Variants in TMEM132E observed in about 807,000 individuals in gnomAD.
The protein encoded by TMEM132E is transmembrane protein 132E.
Under a neutral mutation model 78.5 loss-of-function variants are expected in TMEM132E, and 49 were observed. The ratio of observed to expected loss-of-function variants is 0.62; its 90% CI spans 0.50 to 0.79. TMEM132E has a LOEUF of 0.79. Ranked by LOEUF, TMEM132E falls within the 30% of genes least tolerant of loss-of-function variation. The probability of loss-of-function intolerance (pLI) is 0.00; values close to 1 mark genes in which losing one functional copy is unlikely to be tolerated. For synonymous variants in TMEM132E, 715 were observed against 670.6 expected (o/e 1.07, Z -1.02); for missense variants, 1,403 against 1,470.9 (o/e 0.95, Z 0.75).
At chr17:34,619,291 G>C (rs187981567) in intron 1 of TMEM132E, among the ~76,000 whole-genome samples, 1 of 151,546 alleles carries the variant, frequency 6.6e-6, no homozygotes, top group Non-Finnish European at 1.5e-5. Context: ...TTAACTATCA[G>C]CAACGCCAAC....
At chr17:34,605,760 GC>G (rs1306349149) in intron 1 of TMEM132E, among the ~76,000 whole-genome samples, 1 of 152,160 alleles carries the variant, frequency 6.6e-6, no homozygotes, top group East Asian at 1.9e-4. Flanking sequence ...GTTGCTTTAG[GC>G]TGGGTTCAGC....
In TMEM132E at chr17:34,581,098, C is replaced by CGCG. The variant is rs2142044498; in HGVS notation, c.29_31dup (p.Gly10dup). 1 of 1,545,224 alleles carries CGCG rather than the reference C, an allele frequency of 6.5e-7. No individual in the cohort carries two copies. Among genetic ancestry groups the CGCG allele is most frequent in the East Asian group, 2.5e-5 (1 of 40,142 alleles). Reference sequence around the variant, plus strand: ...GGCCATGGCCCCGGGGATGTCGGGCCGCGGCGGCGCCGCCCTGCTCTGCCT... The same window carrying CGCG: ...GGCCATGGCCCCGGGGATGTCGGGCCGCGGCGGCGGCGCCGCCCTGCTCTGCCT... On this transcript the variant is annotated inframe_insertion, in exon 1 of 9. Transcript: ENST00000631683.
At chr17:34,633,568 C>T (rs1182095742) in intron 6 of TMEM132E, among the ~76,000 whole-genome samples, 1 of 152,200 alleles carries the variant, frequency 6.6e-6, no homozygotes, top group African/African-American at 2.4e-5. Context: ...GAGAGAAAAG[C>T]ACAGCAGGGA....
intron 4 of TMEM132E, 90 bp from the exon 5 acceptor site, chr17:34,629,918 G>GT (rs539332455): frequency 2.3e-5 from 33 of 1,414,758 alleles, no homozygotes; most frequent in Middle Eastern, 2.5e-4. Context: ...GAGGAGTGGG[G>GT]GGGGAGCGTC....
chr17:34,591,715 T>C (rs1435088467), intron 1 of TMEM132E, among the ~76,000 whole-genome samples: 1 of 152,218 alleles, frequency 6.6e-6, no homozygotes, highest in African/African-American at 2.4e-5. Context: ...CTGTCAGCAT[T>C]TGGGCCCCAG....
At chr17:34,583,965 GC>G (rs1905580339) in intron 1 of TMEM132E, among the ~76,000 whole-genome samples, 1 of 152,206 alleles carries the variant, frequency 6.6e-6, no homozygotes, top group Non-Finnish European at 1.5e-5. Context: ...ATCTGTGAAG[GC>G]CACTTTCTTG....
chr17:34,592,001 G>A (rs115756229), intron 1 of TMEM132E, among the ~76,000 whole-genome samples: 1,806 of 152,334 alleles, frequency 0.012, 42 homozygotes, highest in African/African-American at 0.041. Context: ...GTAAACTGGT[G>A]TCTTTCCATC....
intron 1 of TMEM132E, among the ~76,000 whole-genome samples, chr17:34,589,494 C>A (rs1239096706): frequency 6.6e-6 from 1 of 152,162 alleles, no homozygotes; most frequent in Non-Finnish European, 1.5e-5. Flanking sequence ...AATTACCTGC[C>A]TTTACAAAAA....
intron 1 of TMEM132E, among the ~76,000 whole-genome samples, chr17:34,601,535 C>G (rs904927610): frequency 2.6e-5 from 4 of 152,226 alleles, no homozygotes; most frequent in African/African-American, 9.6e-5. Context: ...GGGGGCAATT[C>G]ACAAGGGAGA....
intron 1 of TMEM132E, among the ~76,000 whole-genome samples, chr17:34,613,205 A>ACGCGCGCGCG (rs1238614267): frequency 1.3e-4 from 13 of 103,582 alleles, no homozygotes; most frequent in Admixed American, 2.4e-4. Context: ...ACCCACACAC[A>ACGCGCGCGCG]CACACACGCG....
At chr17:34,605,423 T>C (rs535364615) in intron 1 of TMEM132E, among the ~76,000 whole-genome samples, 1 of 152,096 alleles carries the variant, frequency 6.6e-6, no homozygotes, top group East Asian at 1.9e-4. Context: ...TCCCTCACCA[T>C]CCAGAACAGG....
At chr17:34,585,414 C>G (rs947140038) in intron 1 of TMEM132E, among the ~76,000 whole-genome samples, 1 of 152,216 alleles carries the variant, frequency 6.6e-6, no homozygotes, top group Non-Finnish European at 1.5e-5. Context: ...CCACTGGGGT[C>G]TGGCCCACCT....
At chr17:34,587,818 T>G (rs1905728868) in intron 1 of TMEM132E, among the ~76,000 whole-genome samples, 1 of 152,252 alleles carries the variant, frequency 6.6e-6, no homozygotes, top group Non-Finnish European at 1.5e-5. Context: ...ATGGCTTTGT[T>G]TGTCACATTG....
intron 1 of TMEM132E, among the ~76,000 whole-genome samples, chr17:34,617,032 C>A (rs1002913016): frequency 6.6e-6 from 1 of 152,242 alleles, no homozygotes; most frequent in Non-Finnish European, 1.5e-5. Flanking sequence ...CATAGAGGCC[C>A]TGCCCTGGTG....
intron 2 of TMEM132E, among the ~76,000 whole-genome samples, chr17:34,627,467 C>T (rs1462092916): frequency 1.6e-5 from 2 of 126,540 alleles, no homozygotes; most frequent in African/African-American, 3.0e-5. Flanking sequence ...CCAAAAGAAT[C>T]GTGTGTGTGT....
chr17:34,633,357 C>T (rs1907414055), intron 6 of TMEM132E, among the ~76,000 whole-genome samples: 1 of 152,232 alleles, frequency 6.6e-6, no homozygotes, highest in Admixed American at 6.5e-5. Context: ...GTCAGGCAGA[C>T]AAAATGAAGC....
chr17:34,632,099 G>T (rs141342629), intron 5 of TMEM132E, among the ~76,000 whole-genome samples: 3 of 152,298 alleles, frequency 2.0e-5, no homozygotes, highest in East Asian at 3.9e-4. Context: ...TGTGCTTGGG[G>T]TTCTAAGGTC....
intron 5 of TMEM132E, among the ~76,000 whole-genome samples, chr17:34,631,693 G>T (rs1055136358): frequency 1.3e-5 from 2 of 152,088 alleles, no homozygotes; most frequent in African/African-American, 4.8e-5. Flanking sequence ...TGCCCCAGGG[G>T]CTCATCTCCA....
At chr17:34,621,164 A>G (rs948755155) in intron 1 of TMEM132E, among the ~76,000 whole-genome samples, 9 of 152,158 alleles carry the variant, frequency 5.9e-5, no homozygotes, top group African/African-American at 2.2e-4. Flanking sequence ...GAAATACCAA[A>G]TCCCCATGTA....
Sources: gnomAD v4.1 joint callset for allele counts (sites outside exome capture counted in the v4.1 genomes callset) on GRCh38, gnomAD v4.1.1 for gene constraint, MANE v1.5 for transcripts, NCBI Gene and HGNC (gene_info 2026-07-23, HGNC 2026-07-21) for gene names.